Variants in PBLD observed in about 807,000 individuals in gnomAD.
PBLD encodes phenazine biosynthesis like protein domain containing, also known as phenazine biosynthesis-like domain-containing protein.
Under a neutral mutation model 31.3 loss-of-function variants are expected in PBLD, and 26 were observed. The ratio of observed to expected loss-of-function variants is 0.83; its 90% CI spans 0.61 to 1.15. The LOEUF is 1.15. Ranked by LOEUF, PBLD falls within the 50% of genes most tolerant of loss-of-function variation. The pLI is 0.00. For synonymous variants in PBLD, 114 were observed against 129.0 expected, an observed-to-expected ratio of 0.88 and a Z score of 0.79; for missense variants, 307 against 351.7, an observed-to-expected ratio of 0.87 and a Z score of 1.02.
intron 4 of PBLD, 196 bp downstream of exon 4, chr10:68,296,070 G>T: frequency 2.3e-6 from 1 of 429,788 alleles, no homozygotes. Flanking sequence ...TTCCAATGAT[G>T]CTGGGCACAT....
At chr10:68,303,822 C>CA (rs11372100) in intron 2 of PBLD, among the ~76,000 whole-genome samples, 100,968 of 149,010 alleles carry the variant, frequency 0.68, 34,615 homozygotes, top group Middle Eastern at 0.79. Flanking sequence ...AACAAAGCTA[C>CA]AAAAAAAAAA....
In PBLD at chr10:68,283,417, C is replaced by T. The variant is rs1467133847; in HGVS notation, c.*760G>A. The T allele has an allele frequency of 2.0e-5, 3 of 152,166 alleles. No homozygotes were observed. The highest frequency in any genetic ancestry group is 4.8e-5 in the African/African-American group (2 of 41,436). The allele number at this position is 152,166 out of a possible 1,614,324, so 9.4% of individuals were successfully genotyped here. A position where few individuals can be genotyped will look rare whatever the true frequency, so the allele number is the denominator to read the frequency against. ...CCCATGCTTATTTATATAGACATAG[C>T]ATAACACTGCTAACACTTTATGGCC... is the stretch of plus-strand genomic sequence containing the variant. On this transcript the variant is annotated 3_prime_UTR_variant, in exon 10 of 10. Coordinates refer to ENST00000358769, the MANE Select transcript of PBLD (RefSeq NM_022129.4).
At chr10:68,308,384 A>C (rs1488833281) in intron 1 of PBLD, among the ~76,000 whole-genome samples, 1 of 152,164 alleles carries the variant, frequency 6.6e-6, no homozygotes, top group Non-Finnish European at 1.5e-5. Flanking sequence ...TATATTCCTA[A>C]AAGTGAAATC....
chr10:68,332,279 C>T (rs1361818842), intron 1 of PBLD: 2 of 152,146 alleles, frequency 1.3e-5, no homozygotes, highest in East Asian at 1.9e-4. Context: ...GGGAGAAGGA[C>T]GAAAGGCCGG....
At position 68,294,915 on chromosome 10, in the gene PBLD, ACGGGG is replaced by A. The variant is rs2044405299; in HGVS notation, c.283+1346_283+1350del. Among the ~76,000 whole-genome samples, 4 of 152,214 alleles carry A rather than the reference ACGGGG, an allele frequency of 2.6e-5. No homozygotes were observed. In the South Asian group the frequency reaches 8.3e-4, roughly 32 times the overall value. On this transcript the variant is annotated intron_variant, in intron 4 of 9. Coordinates refer to ENST00000358769, the MANE Select transcript of PBLD (RefSeq NM_022129.4). The stretch of plus-strand genomic sequence containing the variant: ...GCTAATTTTTGTATTTTTAGTAGAG[ACGGGG>A]TTTTGCCCATCCCCCACAGTGACAT...
intron 1 of PBLD, among the ~76,000 whole-genome samples, chr10:68,326,325 C>A (rs2044919890): frequency 6.6e-6 from 1 of 152,166 alleles, no homozygotes; most frequent in Admixed American, 6.5e-5. Flanking sequence ...CAGGCATGAG[C>A]CACTGTGCCA....
chr10:68,288,409 A>C, intron 8 of PBLD, 74 bp downstream of exon 8: 363 of 1,366,952 alleles, frequency 2.7e-4, no homozygotes, highest in Non-Finnish European at 3.3e-4. Context: ...GGTCACAGGA[A>C]GTGCACTTAA....
intron 1 of PBLD, among the ~76,000 whole-genome samples, chr10:68,312,240 AT>A (rs201975490): frequency 0.016 from 2,445 of 152,266 alleles, 21 homozygotes; most frequent in Non-Finnish European, 0.025. Context: ...TCTATTTTCA[AT>A]TTTTTGAGGC....
Position 68,309,927 on chromosome 10 carries a change from G to A in PBLD, c.-59-3024C>T, listed in dbSNP as rs538794735. 3.1e-4 allele frequency among the ~76,000 whole-genome samples: 47 copies of A among 150,276 alleles called. 2 individuals carry two copies. In the South Asian group the frequency reaches 9.6e-3, roughly 31 times the overall value. On this transcript the variant is annotated intron_variant, in intron 1 of 9. Coordinates refer to ENST00000358769, the MANE Select transcript of PBLD (RefSeq NM_022129.4). ...GAGGTGGGTGGATCACTTGATGTCA[G>A]GAGTTCGAGACCAGCCTGGCCAACA...
At position 68,322,386 on chromosome 10, in the gene PBLD, C is replaced by T. The variant is rs575571290; in HGVS notation, c.-60+10398G>A. The stretch of plus-strand genomic sequence containing the variant: ...TTAATAGTAATGGACCAGAGCTAGG[C>T]ACGGTGGCTCACAACTGTAATCCTA... On this transcript the variant is annotated intron_variant, in intron 1 of 9. Coordinates refer to ENST00000358769, the MANE Select transcript of PBLD (RefSeq NM_022129.4). 5.3e-5 allele frequency among the ~76,000 whole-genome samples: 8 copies of T among 151,988 alleles called. No homozygotes were observed. In the East Asian group the frequency reaches 1.6e-3, roughly 30 times the overall value.
At chr10:68,320,821 C>CTT (rs201356125) in intron 1 of PBLD, among the ~76,000 whole-genome samples, 129 of 142,820 alleles carry the variant, frequency 9.0e-4, no homozygotes, top group African/African-American at 1.7e-3. Context: ...GCTCAACCCC[C>CTT]TTTTTTTTTT....
At chr10:68,291,473 C>T (rs1175326120) in intron 6 of PBLD, among the ~76,000 whole-genome samples, 1 of 152,116 alleles carries the variant, frequency 6.6e-6, no homozygotes, top group East Asian at 1.9e-4. Context: ...CAGTCCCATC[C>T]TTTACTACAG....
chr10:68,332,221 C>T (rs1400016386), intron 1 of PBLD: 1 of 152,310 alleles, frequency 6.6e-6, no homozygotes, highest in Non-Finnish European at 1.5e-5. Flanking sequence ...GACAGGGTAT[C>T]TGAAGTAAAA....
intron 7 of PBLD, 73 bp downstream of exon 7, chr10:68,288,858 G>T: frequency 7.0e-7 from 1 of 1,436,972 alleles, no homozygotes; most frequent in African/African-American, 1.4e-5. Flanking sequence ...ACACAGCACA[G>T]CCAGACTAAG....
At chr10:68,285,122 C>T (rs2044270034) in intron 9 of PBLD, 2 of 1,330,402 alleles carry the variant, frequency 1.5e-6, no homozygotes, top group South Asian at 2.3e-5. Flanking sequence ...ACTTATTGGG[C>T]AGTTACTGTA....
rs1225674825 is a variant in PBLD, at chr10:68,285,403, T to C, written c.699A>G (p.Ala233=). ...ACCAGTAGCTGCTGAGAACAGCGTG[T>C]GCAGACCCTCAAAAGAAGTGAAAAG... ...GVAEDPVTGS[A]HAVLSSYWSQ... is the part of the protein sequence containing the mutation. Residue 233 remains alanine (A), a synonymous_variant, in exon 9 of 10, where the codon GCA becomes GCG. Coordinates refer to ENST00000358769, the MANE Select transcript of PBLD (RefSeq NM_022129.4). The C allele has an allele frequency of 6.2e-7, 1 of 1,602,046 alleles. No individual in the cohort carries two copies. Among genetic ancestry groups the C allele is most frequent in the South Asian group, 1.1e-5 (1 of 88,112 alleles).
intron 9 of PBLD, among the ~76,000 whole-genome samples, chr10:68,284,724 G>T (rs2044265980): frequency 6.6e-6 from 1 of 152,204 alleles, no homozygotes; most frequent in South Asian, 2.1e-4. Flanking sequence ...AGGACAGAGG[G>T]AGTTCATTCA....
intron 6 of PBLD, among the ~76,000 whole-genome samples, 194 bp downstream of exon 6, chr10:68,291,816 C>A (rs184611591): frequency 1.2e-3 from 177 of 152,308 alleles, no homozygotes; most frequent in Middle Eastern, 3.4e-3. Flanking sequence ...ACCATGGGGG[C>A]CAGCAGTGAC....
rs142009777 is a variant in PBLD, at chr10:68,300,226, GA to G, written c.85-3242del. 2.1e-3 allele frequency among the ~76,000 whole-genome samples: 324 copies of G among 152,228 alleles called. 1 individual carries two copies. Among genetic ancestry groups the G allele is most frequent in the African/African-American group, 7.5e-3 (310 of 41,538 alleles). Reference sequence around the variant, plus strand: ...AGAGACTGAAAGAAACAGAAAGAGAGAGAGAAAGAGATAACTCATCCCAGTG... The same window carrying G: ...AGAGACTGAAAGAAACAGAAAGAGAGGAGAAAGAGATAACTCATCCCAGTG... On this transcript the variant is annotated intron_variant, in intron 2 of 9. Coordinates refer to ENST00000358769, the MANE Select transcript of PBLD (RefSeq NM_022129.4).
Sources: allele counts gnomAD v4.1 joint callset (sites outside exome capture counted in the v4.1 genomes callset), GRCh38; gene constraint gnomAD v4.1.1; transcripts MANE v1.5; gene names NCBI Gene and HGNC (gene_info 2026-07-23, HGNC 2026-07-21).